Variants in HERC1 observed in about 807,000 individuals in gnomAD.
HERC1 encodes the protein HECT and RLD domain containing E3 ubiquitin protein ligase family member 1.
Under a neutral mutation model 554.3 loss-of-function variants are expected in HERC1, and 160 were observed. That is an observed-to-expected ratio of 0.29 (90% CI 0.25 to 0.33). HERC1 has a LOEUF of 0.33. Ranked by LOEUF, HERC1 falls within the 10% of genes least tolerant of loss-of-function variation. HERC1 has a pLI of 1.00. For missense variants in HERC1, 4,919 were observed against 5,918.5 expected (o/e 0.83, Z 5.54); for synonymous variants, 2,175 against 2,131.7 (o/e 1.02, Z -0.56).
chr15:63,830,970 T>C (rs2078132324), intron 1 of HERC1, among the ~76,000 whole-genome samples: 1 of 152,264 alleles, frequency 6.6e-6, no homozygotes, highest in Admixed American at 6.5e-5. Flanking sequence ...CCTTCCTGGC[T>C]TTGCAAACTT....
intron 1 of HERC1, among the ~76,000 whole-genome samples, chr15:63,798,354 G>A (rs560549099): frequency 6.6e-6 from 1 of 152,158 alleles, no homozygotes; most frequent in African/African-American, 2.4e-5. Flanking sequence ...ACCAACAACT[G>A]CCTCTTTACA....
intron 1 of HERC1, among the ~76,000 whole-genome samples, chr15:63,783,239 T>C (rs1411153617): frequency 6.6e-6 from 1 of 152,124 alleles, no homozygotes; most frequent in African/African-American, 2.4e-5. Flanking sequence ...AGCCAATCAA[T>C]GCAGCAAACT....
intron 76 of HERC1, among the ~76,000 whole-genome samples, chr15:63,614,053 C>G (rs1298479107): frequency 1.3e-5 from 2 of 151,866 alleles, no homozygotes; most frequent in Non-Finnish European, 2.9e-5. Context: ...AGGGGGACAA[C>G]TGAGGACAGT....
chr15:63,626,601 A>T (rs1407112545), intron 70 of HERC1, among the ~76,000 whole-genome samples: 1 of 152,220 alleles, frequency 6.6e-6, no homozygotes, highest in Non-Finnish European at 1.5e-5. Flanking sequence ...TTCACTAGGG[A>T]TCTGATAGCA....
chr15:63,635,286 C>A (rs2068734066), intron 65 of HERC1, among the ~76,000 whole-genome samples: 3 of 152,168 alleles, frequency 2.0e-5, no homozygotes. Flanking sequence ...TGGCCTCAAG[C>A]AATCCTCTTG....
rs760518970 is a variant in HERC1, at chr15:63,725,332, T to C, written c.3528A>G (p.Pro1176=). Residue 1176 remains proline, a synonymous_variant, in exon 18 of 78, where the codon CCA becomes CCG. Coordinates refer to ENST00000443617, the MANE Select transcript of HERC1 (RefSeq NM_003922.4). The part of the protein sequence containing the change: ...EQDTAYWMKT[P]LFSDGVEMDT... ...CCATTTCTACACCGTCACTGAACAGTGGCGTTTTCATCCAATATGCAGTGT... is the reference window on the plus strand; with the variant it reads ...CCATTTCTACACCGTCACTGAACAGCGGCGTTTTCATCCAATATGCAGTGT... The C allele has an allele frequency of 1.2e-6, 2 of 1,613,924 alleles. No homozygotes were observed. Among genetic ancestry groups the C allele is most frequent in the South Asian group, 2.2e-5 (2 of 91,062 alleles).
intron 1 of HERC1, among the ~76,000 whole-genome samples, chr15:63,781,209 A>C (rs1389305109): frequency 2.0e-5 from 3 of 152,194 alleles, no homozygotes; most frequent in Non-Finnish European, 4.4e-5. Context: ...TATAGGAAGA[A>C]TGGCAACCAC....
chr15:63,814,951 T>A (rs994149983), intron 1 of HERC1, among the ~76,000 whole-genome samples: 1 of 152,256 alleles, frequency 6.6e-6, no homozygotes, highest in Non-Finnish European at 1.5e-5. Flanking sequence ...AATAAAACTG[T>A]ATAACCTCAG....
rs536292522 is a variant in HERC1 at position 63,612,010 on chromosome 15, C to T, written c.14400+241G>A. Reference sequence around the variant, plus strand: ...GACCAGCCTGGCCAACATGGTGAATCCCCGTCTCTACCAAAATATACAAAA... The same window carrying T: ...GACCAGCCTGGCCAACATGGTGAATTCCCGTCTCTACCAAAATATACAAAA... On this transcript the variant is annotated intron_variant, in intron 77 of 77. Coordinates refer to ENST00000443617, the MANE Select transcript of HERC1 (RefSeq NM_003922.4). The surrounding 1 kb of genome is among the most constrained non-coding windows in gnomAD (Gnocchi z 5.0). 6.6e-6 allele frequency among the ~76,000 whole-genome samples: 1 copy of T among 152,252 alleles called. No homozygotes were observed. The highest frequency in any genetic ancestry group is 1.9e-4 in the East Asian group (1 of 5,166).
Position 63,734,664 on chromosome 15 carries a change from C to G in HERC1, c.2646+60G>C. 1 of 1,420,182 alleles carries G rather than the reference C, an allele frequency of 7.0e-7. No homozygotes were observed. Among genetic ancestry groups the G allele is most frequent in the Non-Finnish European group, 9.4e-7 (1 of 1,066,744 alleles). The allele number at this position is 1,420,182 out of a possible 1,614,324, so 88.0% of individuals were successfully genotyped here. On this transcript the variant is annotated intron_variant, in intron 13 of 77. Transcript: ENST00000443617. The surrounding 1 kb of genome is among the most constrained non-coding windows in gnomAD (Gnocchi z 4.6). ...CATGGCAATTTATTAGTTTTATTTC[C>G]TTCTCAGTCCAAATTTTTAGGATAC...
At chr15:63,673,763 C>T (rs776455792) in intron 38 of HERC1, among the ~76,000 whole-genome samples, 2 of 152,142 alleles carry the variant, frequency 1.3e-5, no homozygotes, top group African/African-American at 4.8e-5. Context: ...CTCGCTCAGC[C>T]GCCCAGGCTT....
At chr15:63,649,948 T>G (rs939329088) in intron 53 of HERC1, 23 bp from the exon 54 acceptor site, 5 of 1,497,950 alleles carry the variant, frequency 3.3e-6, no homozygotes, top group Non-Finnish European at 4.6e-6. Context: ...AAATGTTAAC[T>G]AGTTTTTACT....
In HERC1 at chr15:63,641,544, T is replaced by G; in HGVS notation, c.11533A>C (p.Asn3845His). ...ALKQQGVLGLNMAPCMRAFLE... is the reference protein window; with the variant it reads ...ALKQQGVLGLHMAPCMRAFLE... ...AATGCTCTCATGCAGGGAGCCATGTTCAATCCCAGAACACCCTGCTGTTTC... is the reference window on the plus strand; with the variant it reads ...AATGCTCTCATGCAGGGAGCCATGTGCAATCCCAGAACACCCTGCTGTTTC... The change falls in exon 60 of 78, where the codon AAC (asparagine) becomes CAC (histidine). Residue 3845 changes from asparagine (N) to histidine (H), a missense_variant. This residue lies in a region of HERC1 where 1,963 missense variants were observed against 2,228.6 expected (regional missense o/e 0.88). Coordinates refer to ENST00000443617, the MANE Select transcript of HERC1 (RefSeq NM_003922.4). 6.2e-7 allele frequency: 1 copy of G among 1,612,950 alleles called. No individual in the cohort carries two copies.
intron 39 of HERC1, among the ~76,000 whole-genome samples, chr15:63,669,989 C>T (rs2070821857): frequency 6.6e-6 from 1 of 152,148 alleles, no homozygotes; most frequent in South Asian, 2.1e-4. Flanking sequence ...CTTCACAGAG[C>T]TTTCCTTCAA....
chr15:63,764,843 C>CTATT (rs1441824273), intron 2 of HERC1, among the ~76,000 whole-genome samples: 1 of 152,160 alleles, frequency 6.6e-6, no homozygotes. Flanking sequence ...CAGCAACTTG[C>CTATT]TAATAAGATC....
At chr15:63,624,091 A>G in intron 72 of HERC1, 67 bp downstream of exon 72, 2 of 1,438,222 alleles carry the variant, frequency 1.4e-6, no homozygotes, top group Non-Finnish European at 1.9e-6. Flanking sequence ...AGACTCACAG[A>G]AATTAGTAAT....
rs1204213986 is a variant in HERC1, at chr15:63,734,611, C to T, written c.2646+113G>A. ...GAATTCTTCCAGCACAACACATTAACCCATCAAGTACTTATGCTCCAAGAA... is the reference window on the plus strand; with the variant it reads ...GAATTCTTCCAGCACAACACATTAATCCATCAAGTACTTATGCTCCAAGAA... On this transcript the variant is annotated intron_variant, in intron 13 of 77. Transcript: ENST00000443617. This position sits in a 1 kb window ranked among gnomAD's most constrained non-coding sequence, Gnocchi z 4.6. 4.6e-5 allele frequency: 37 copies of T among 805,260 alleles called. No homozygotes were observed. The highest frequency in any genetic ancestry group is 7.0e-5 in the Non-Finnish European group (37 of 531,842). 49.9% of individuals were successfully genotyped at this position (805,260 alleles called of 1,614,324 possible). A position where few individuals can be genotyped will look rare whatever the true frequency, so the allele number is the denominator to read the frequency against.
intron 2 of HERC1, among the ~76,000 whole-genome samples, chr15:63,766,483 G>C (rs2075782094): frequency 6.6e-6 from 1 of 152,164 alleles, no homozygotes; most frequent in South Asian, 2.1e-4. Flanking sequence ...AGATACTTGA[G>C]AGGCTGAGGC....
chr15:63,699,986 T>C (rs2072630287), intron 25 of HERC1, among the ~76,000 whole-genome samples: 2 of 152,160 alleles, frequency 1.3e-5, no homozygotes, highest in Non-Finnish European at 2.9e-5. Flanking sequence ...ATATTTATAA[T>C]AAATATCTGT....
Sources: allele counts gnomAD v4.1 joint callset (sites outside exome capture counted in the v4.1 genomes callset), GRCh38; gene constraint gnomAD v4.1.1; regional missense constraint gnomAD v4.1.1; non-coding constraint Gnocchi (gnomAD v3.1); transcripts MANE v1.5; gene names NCBI Gene and HGNC (gene_info 2026-07-23, HGNC 2026-07-21).